ANGPT4: variants seen among roughly 807,000 people sequenced by gnomAD.
The protein encoded by ANGPT4 is angiopoietin-4.
In ANGPT4, 50 loss-of-function variants were observed where a neutral mutation model predicts 53.0. The observed-to-expected ratio is 0.94, with a 90% CI of 0.75 to 1.20. The LOEUF is 1.20. Ranked by LOEUF, ANGPT4 falls within the 50% of genes most tolerant of loss-of-function variation. The pLI, the probability that ANGPT4 is intolerant of heterozygous loss-of-function variation, is 0.00. For synonymous variants in ANGPT4, 251 were observed against 259.7 expected, an observed-to-expected ratio of 0.97 and a Z score of 0.32; for missense variants, 648 against 637.1, an observed-to-expected ratio of 1.02 and a Z score of -0.18.
chr20:911,137 T>C lies in ANGPT4; in HGVS notation c.309+4769A>G, dbSNP rs1345699179. 2.6e-5 allele frequency among the ~76,000 whole-genome samples: 4 copies of C among 151,926 alleles called. No homozygotes were observed. Among genetic ancestry groups the C allele is most frequent in the Non-Finnish European group, 4.4e-5 (3 of 67,974 alleles). ...AACCCTGACTCCCAAACCAGGTCAG[T>C]TTGGGAGGGTCTCAGGCTGGGCAAG... On this transcript the variant is annotated intron_variant, in intron 1 of 8. Transcript: ENST00000381922. This position sits in a 1 kb window ranked among gnomAD's most constrained non-coding sequence, Gnocchi z 4.9.
intron 1 of ANGPT4, among the ~76,000 whole-genome samples, chr20:897,613 G>A (rs190790096): frequency 1.3e-5 from 2 of 152,260 alleles, no homozygotes; most frequent in Non-Finnish European, 2.9e-5. Flanking sequence ...ATCACCGGGG[G>A]GACACCTGCC....
At chr20:881,051 A>G in intron 5 of ANGPT4, 120 bp downstream of exon 5, 1 of 793,200 alleles carries the variant, frequency 1.3e-6, no homozygotes, top group South Asian at 2.2e-5. Context: ...AGCCACCCCT[A>G]CACCTCTGGT....
Position 915,226 on chromosome 20 carries a change from C to T in ANGPT4, c.309+680G>A, listed in dbSNP as rs555436447. 3.4e-4 allele frequency among the ~76,000 whole-genome samples: 47 copies of T among 139,878 alleles called. No individual in the cohort carries two copies. The East Asian group carries it at 4.8e-3, about 14-fold the overall frequency. 91.8% of individuals were successfully genotyped at this position (139,878 alleles called of 152,430 possible). On this transcript the variant is annotated intron_variant, in intron 1 of 8. Coordinates refer to ENST00000381922, the MANE Select transcript of ANGPT4 (RefSeq NM_015985.4). ...CAAAAGCTGAAGTCCTTCCAGTGGC[C>T]CCCCCCCCAGCTGCATGGCCTGCCC... is the stretch of plus-strand genomic sequence containing the variant.
chr20:882,228 T>C (rs1981436323), intron 4 of ANGPT4, among the ~76,000 whole-genome samples: 1 of 152,172 alleles, frequency 6.6e-6, no homozygotes, highest in Non-Finnish European at 1.5e-5. Context: ...AGGCCTGGCC[T>C]GGAAAAAGTG....
At position 914,550 on chromosome 20, in the gene ANGPT4, C is replaced by T. The variant is rs753172192; in HGVS notation, c.309+1356G>A. Reference sequence around the variant, plus strand: ...ACAGGAGGTGGGGGCCGAGTGTTAGCAGGGAGCCAGGGGGGCAGCCAGGAC... The same window carrying T: ...ACAGGAGGTGGGGGCCGAGTGTTAGTAGGGAGCCAGGGGGGCAGCCAGGAC... On this transcript the variant is annotated intron_variant, in intron 1 of 8. Transcript: ENST00000381922. This position sits in a 1 kb window ranked among gnomAD's most constrained non-coding sequence, Gnocchi z 5.0. Among the ~76,000 whole-genome samples the T allele has an allele frequency of 7.2e-5, 11 of 152,000 alleles. No individual in the cohort carries two copies. The highest frequency in any genetic ancestry group is 1.3e-4 in the Non-Finnish European group (9 of 67,970).
chr20:906,863 C>A (rs1157514729), intron 1 of ANGPT4, among the ~76,000 whole-genome samples: 1 of 152,220 alleles, frequency 6.6e-6, no homozygotes, highest in African/African-American at 2.4e-5. Flanking sequence ...GGGCTGAGAG[C>A]CAGGGGTAGA....
chr20:916,321 A>G lies in ANGPT4; in HGVS notation c.-107T>C, dbSNP rs897474516. 2.4e-6 allele frequency: 3 copies of G among 1,235,464 alleles called. No homozygotes were observed. Among genetic ancestry groups the G allele is most frequent in the Admixed American group, 4.4e-5 (2 of 45,284 alleles). The allele number at this position is 1,235,464 out of a possible 1,614,324, so 76.5% of individuals were successfully genotyped here. On this transcript the variant is annotated 5_prime_UTR_variant, in exon 1 of 9. Coordinates refer to ENST00000381922, the MANE Select transcript of ANGPT4 (RefSeq NM_015985.4). ...GCCAGGCTTGCCTGCAGCTGCAGCTACAAACCTCTGTCTGGCCGAGCTCTG... is the reference window on the plus strand; with the variant it reads ...GCCAGGCTTGCCTGCAGCTGCAGCTGCAAACCTCTGTCTGGCCGAGCTCTG...
Position 871,856 on chromosome 20 carries a change from GTATCTGT to G in ANGPT4, c.*1097_*1103del, listed in dbSNP as rs1366187892. 6.6e-6 allele frequency: 1 copy of G among 152,202 alleles called. No individual in the cohort carries two copies. The highest frequency in any genetic ancestry group is 1.5e-5 in the Non-Finnish European group (1 of 68,048). The allele number at this position is 152,202 out of a possible 1,614,324, so 9.4% of individuals were successfully genotyped here. A position where few individuals can be genotyped will look rare whatever the true frequency, so the allele number is the denominator to read the frequency against. On this transcript the variant is annotated 3_prime_UTR_variant, in exon 9 of 9. Transcript: ENST00000381922. ...AGTTCTAGACCCTTCTTCAGGGATG[GTATCTGT>G]TTTAACTGAAAGGTTATTTCCAGTT...
intron 7 of ANGPT4, among the ~76,000 whole-genome samples, chr20:874,696 A>G (rs6055483): frequency 0.5 from 75,403 of 152,104 alleles, 21,322 homozygotes; most frequent in African/African-American, 0.77. Context: ...CACAATAATG[A>G]TAATAATGGC....
At chr20:899,717 A>G (rs1483854122) in intron 1 of ANGPT4, among the ~76,000 whole-genome samples, 1 of 152,068 alleles carries the variant, frequency 6.6e-6, no homozygotes, top group Non-Finnish European at 1.5e-5. Context: ...CCAAACCCAT[A>G]TACTCTCCTA....
chr20:889,797 A>G (rs1468339196), intron 2 of ANGPT4, among the ~76,000 whole-genome samples: 1 of 152,110 alleles, frequency 6.6e-6, no homozygotes, highest in East Asian at 1.9e-4. Flanking sequence ...CCTACCCTTC[A>G]TTTATTCACT....
chr20:893,073 T>C (rs1236375284), intron 1 of ANGPT4, among the ~76,000 whole-genome samples: 2 of 152,222 alleles, frequency 1.3e-5, no homozygotes, highest in Non-Finnish European at 2.9e-5. Flanking sequence ...CTTGTCTCTA[T>C]GTACATTCAC....
chr20:893,624 C>G (rs1203688128), intron 1 of ANGPT4, among the ~76,000 whole-genome samples: 1 of 152,096 alleles, frequency 6.6e-6, no homozygotes. Flanking sequence ...CTGCATGTCC[C>G]CAACTCGCCA....
At chr20:888,039 A>G (rs1981682345) in intron 3 of ANGPT4, among the ~76,000 whole-genome samples, 1 of 151,920 alleles carries the variant, frequency 6.6e-6, no homozygotes, top group South Asian at 2.1e-4. Flanking sequence ...TCTCATTTCC[A>G]GCCTCAGTCT....
intron 1 of ANGPT4, among the ~76,000 whole-genome samples, chr20:892,054 C>G (rs1361172426): frequency 1.3e-5 from 2 of 151,686 alleles, no homozygotes; most frequent in African/African-American, 2.4e-5. Flanking sequence ...ACCAGAGAGA[C>G]CCCCCTCCTT....
chr20:906,854 G>A (rs1037759892), intron 1 of ANGPT4, among the ~76,000 whole-genome samples: 4 of 152,212 alleles, frequency 2.6e-5, no homozygotes, highest in Non-Finnish European at 4.4e-5. Flanking sequence ...ACAGCCAGTG[G>A]GCTGAGAGCC....
intron 3 of ANGPT4, among the ~76,000 whole-genome samples, chr20:887,816 C>T (rs913310001): frequency 7.9e-5 from 12 of 151,550 alleles, no homozygotes; most frequent in South Asian, 2.1e-4. Context: ...TAAAGTTTAC[C>T]GGATGAATAG....
chr20:888,574 T>C (rs1272114956), intron 2 of ANGPT4, 135 bp from the exon 3 acceptor site: 1 of 1,397,386 alleles, frequency 7.2e-7, no homozygotes. Context: ...GTTCCTGTGG[T>C]TACTCACTCA....
intron 6 of ANGPT4, 68 bp from the exon 7 acceptor site, chr20:878,395 G>C (rs1490085648): frequency 1.3e-6 from 2 of 1,492,862 alleles, no homozygotes; most frequent in Admixed American, 3.8e-5. Flanking sequence ...CTGAGGAGCT[G>C]GGCTGGGCCA....
Sources: gnomAD v4.1 joint callset for allele counts (sites outside exome capture counted in the v4.1 genomes callset) on GRCh38, gnomAD v4.1.1 for gene constraint, Gnocchi (gnomAD v3.1) non-coding constraint, MANE v1.5 for transcripts, NCBI Gene and HGNC (gene_info 2026-07-23, HGNC 2026-07-21) for gene names.